Variants in KIF26B observed in about 807,000 individuals in gnomAD.
The protein encoded by KIF26B is kinesin-like protein KIF26B.
A neutral mutation model predicts 151.2 loss-of-function variants in KIF26B; 63 were observed. The ratio of observed to expected loss-of-function variants is 0.42; its 90% CI spans 0.34 to 0.51. KIF26B has a LOEUF of 0.51. KIF26B is among the 20% of genes least tolerant of loss of function. The probability of loss-of-function intolerance (pLI) is 0.07; values close to 1 mark genes in which losing one functional copy is unlikely to be tolerated. For synonymous variants in KIF26B, 1,357 were observed against 1,262.1 expected (o/e 1.08, Z -1.59); for missense variants, 2,813 against 2,913.6 (o/e 0.97, Z 0.79).
chr1:245,296,016 G>A (rs1168866033), intron 2 of KIF26B, among the ~76,000 whole-genome samples: 1 of 152,160 alleles, frequency 6.6e-6, no homozygotes, highest in Non-Finnish European at 1.5e-5. Context: ...TGCATCTAGC[G>A]TAATGTTGAA....
intron 4 of KIF26B, among the ~76,000 whole-genome samples, chr1:245,510,656 T>C (rs1393670073): frequency 6.7e-6 from 1 of 149,748 alleles, no homozygotes; most frequent in Non-Finnish European, 1.5e-5. Context: ...CCTGCCTGCC[T>C]CTGCCCCTCC....
chr1:245,286,180 C>T (rs1399731358), intron 2 of KIF26B, among the ~76,000 whole-genome samples: 1 of 152,062 alleles, frequency 6.6e-6, no homozygotes, highest in Non-Finnish European at 1.5e-5. Flanking sequence ...AGGATGTCAC[C>T]TGGTCTCTGG....
At chr1:245,507,348 C>G (rs994564652) in intron 4 of KIF26B, among the ~76,000 whole-genome samples, 2 of 152,120 alleles carry the variant, frequency 1.3e-5, no homozygotes, top group Non-Finnish European at 1.5e-5. Flanking sequence ...AGGATTGTAC[C>G]AAGGAAAAAG....
At chr1:245,296,514 A>C (rs1446972100) in intron 2 of KIF26B, among the ~76,000 whole-genome samples, 1 of 152,162 alleles carries the variant, frequency 6.6e-6, no homozygotes, top group Non-Finnish European at 1.5e-5. Context: ...GGAGCCGCAC[A>C]GTGTGCACCA....
In KIF26B at chr1:245,659,184, G is replaced by A. The variant is rs189497599; in HGVS notation, c.2258+12904G>A. ...GCCTGGGAGGTTGAGGCTGCAGTCAGCTATGATCATGCCACTACACCCCAG... is the reference window on the plus strand; with the variant it reads ...GCCTGGGAGGTTGAGGCTGCAGTCAACTATGATCATGCCACTACACCCCAG... On this transcript the variant is annotated intron_variant, in intron 10 of 14. Coordinates refer to ENST00000407071, the MANE Select transcript of KIF26B (RefSeq NM_018012.4). 1.3e-3 allele frequency among the ~76,000 whole-genome samples: 203 copies of A among 152,272 alleles called. 1 individual carries two copies. The highest frequency in any genetic ancestry group is 0.01 in the Middle Eastern group (3 of 294).
intron 9 of KIF26B, among the ~76,000 whole-genome samples, chr1:245,633,571 T>C (rs72764804): frequency 5.2e-4 from 79 of 152,254 alleles, no homozygotes; most frequent in Admixed American, 1.1e-3. Flanking sequence ...GTGGTAGTTA[T>C]TGTCCTTTTG....
intron 2 of KIF26B, among the ~76,000 whole-genome samples, chr1:245,296,698 C>A (rs61829584): frequency 9.9e-5 from 15 of 152,230 alleles, no homozygotes; most frequent in Non-Finnish European, 1.9e-4. Flanking sequence ...ACGTCCTCGT[C>A]TTTATGAACT....
intron 4 of KIF26B, among the ~76,000 whole-genome samples, chr1:245,502,566 A>G (rs1435842382): frequency 6.6e-6 from 1 of 151,636 alleles, no homozygotes; most frequent in Non-Finnish European, 1.5e-5. Context: ...AGAAGAGGCA[A>G]CACTTGTCTT....
intron 2 of KIF26B, among the ~76,000 whole-genome samples, chr1:245,193,960 G>A (rs547511905): frequency 6.6e-6 from 1 of 152,284 alleles, no homozygotes; most frequent in East Asian, 1.9e-4. Context: ...AAAATGACAT[G>A]GACGCCAGAA....
rs540506293 is a variant in KIF26B, at chr1:245,320,242, G to A, written c.466-46592G>A. 2.0e-5 allele frequency among the ~76,000 whole-genome samples: 3 copies of A among 152,230 alleles called. No individual in the cohort carries two copies. The South Asian group carries it at 6.2e-4, about 32-fold the overall frequency. ...TGCAGAGGCAGCAGGCAGGACCCCAGGACTTCTGAGTCCTGATCCAAAGCT... is the reference window on the plus strand; with the variant it reads ...TGCAGAGGCAGCAGGCAGGACCCCAAGACTTCTGAGTCCTGATCCAAAGCT... On this transcript the variant is annotated intron_variant, in intron 2 of 14. Transcript: ENST00000407071.
intron 5 of KIF26B, among the ~76,000 whole-genome samples, chr1:245,566,600 A>G: frequency 6.6e-6 from 1 of 152,226 alleles, no homozygotes; most frequent in East Asian, 1.9e-4. Flanking sequence ...TCTTCCTCCA[A>G]ACAAAAGCTT....
intron 12 of KIF26B, among the ~76,000 whole-genome samples, chr1:245,692,385 A>G (rs1301995931): frequency 6.6e-6 from 1 of 152,164 alleles, no homozygotes; most frequent in Non-Finnish European, 1.5e-5. Context: ...GCATTTAGAC[A>G]AAGCAGGATC....
rs2147938251 is a variant in KIF26B, at chr1:245,667,401, A to C, written c.2259-16832A>C. On this transcript the variant is annotated intron_variant, in intron 10 of 14. Transcript: ENST00000407071. This position sits in a 1 kb window ranked among gnomAD's most constrained non-coding sequence, Gnocchi z 4.3. The stretch of plus-strand genomic sequence containing the variant: ...GCCATGTGTCCCAGGCTGGTCTCAA[A>C]CTCCTGGATTCAGACAATCTGCCTG... 6.6e-6 allele frequency among the ~76,000 whole-genome samples: 1 copy of C among 151,674 alleles called. No individual in the cohort carries two copies. Among genetic ancestry groups the C allele is most frequent in the South Asian group, 2.1e-4 (1 of 4,794 alleles).
chr1:245,511,730 C>T (rs1013651243), intron 4 of KIF26B, among the ~76,000 whole-genome samples: 6 of 152,200 alleles, frequency 3.9e-5, no homozygotes, highest in African/African-American at 1.2e-4. Flanking sequence ...TTGCAGGCCA[C>T]TGTCTAGTGG....
At chr1:245,622,913 C>CGGCTGCT (rs1553297213) in intron 9 of KIF26B, among the ~76,000 whole-genome samples, 1 of 151,972 alleles carries the variant, frequency 6.6e-6, no homozygotes, top group Non-Finnish European at 1.5e-5. Flanking sequence ...CGGCCTTCTC[C>CGGCTGCT]GGCTGCTTCG....
At chr1:245,399,310 C>T (rs1350776307) in intron 3 of KIF26B, among the ~76,000 whole-genome samples, 2 of 152,180 alleles carry the variant, frequency 1.3e-5, no homozygotes, top group African/African-American at 4.8e-5. Flanking sequence ...GCTAGGTTCT[C>T]TGGAGTCCAG....
chr1:245,392,138 G>A (rs1280014860), intron 3 of KIF26B, among the ~76,000 whole-genome samples: 2 of 151,800 alleles, frequency 1.3e-5, no homozygotes, highest in Non-Finnish European at 2.9e-5. Context: ...TTAAGATTAT[G>A]AAGAGCTCCT....
At position 245,685,660 on chromosome 1, in the gene KIF26B, G is replaced by A. The variant is rs779033703; in HGVS notation, c.2677G>A (p.Val893Met). ...NEGPPDFVPI[V>M]PALQKTRGDS... ...GGGCCCCCCAGACTTTGTCCCTATC[G>A]TGCCAGCCCTGCAGAAGACCCGGGG... is the stretch of plus-strand genomic sequence containing the variant. Residue 893 changes from valine (V) to methionine (M), a missense_variant, in exon 12 of 15, where the codon GTG (valine) becomes ATG (methionine). By Grantham distance (21) the Val-to-Met change is conservative (BLOSUM62 1). This residue lies in a region of KIF26B where 2,060 missense variants were observed against 2,088.6 expected (regional missense o/e 0.99). Coordinates refer to ENST00000407071, the MANE Select transcript of KIF26B (RefSeq NM_018012.4). 11 of 1,613,080 alleles carry A rather than the reference G, an allele frequency of 6.8e-6. No individual in the cohort carries two copies. The highest frequency in any genetic ancestry group is 3.3e-5 in the South Asian group (3 of 91,048).
At chr1:245,680,111 T>C (rs1191650830) in intron 10 of KIF26B, among the ~76,000 whole-genome samples, 4 of 151,800 alleles carry the variant, frequency 2.6e-5, no homozygotes, top group Non-Finnish European at 5.9e-5. Context: ...GAAACTCTTT[T>C]GAACCTTTCT....
Sources: allele counts gnomAD v4.1 joint callset (sites outside exome capture counted in the v4.1 genomes callset), GRCh38; gene constraint gnomAD v4.1.1; regional missense constraint gnomAD v4.1.1; non-coding constraint Gnocchi (gnomAD v3.1); transcripts MANE v1.5; gene names NCBI Gene and HGNC (gene_info 2026-07-23, HGNC 2026-07-21).